DYNC2I2: variants seen among roughly 807,000 people sequenced by gnomAD.
DYNC2I2 encodes cytoplasmic dynein 2 intermediate chain 2.
Under a neutral mutation model 52.0 loss-of-function variants are expected in DYNC2I2, and 39 were observed. The ratio of observed to expected loss-of-function variants is 0.75; its 90% CI spans 0.58 to 0.98. The LOEUF (loss-of-function observed/expected upper bound fraction) is 0.98, where lower values mean the gene tolerates loss of function less well. DYNC2I2 is among the 50% of genes least tolerant of loss of function. The pLI is 0.00. For missense variants in DYNC2I2, 743 were observed against 728.4 expected (o/e 1.02, Z -0.23); for synonymous variants, 359 against 321.1 (o/e 1.12, Z -1.26).
At chr9:128,667,611 C>G in the DYNC2I2 span, among the ~76,000 whole-genome samples, 2 of 151,848 alleles carry the variant, frequency 1.3e-5, no homozygotes, top group Admixed American at 6.6e-5. Flanking sequence ...CGCTCTGACA[C>G]CAGGCTGGAG....
rs78387565 is a variant in DYNC2I2 at position 128,636,261 on chromosome 9, G to A, written c.703+20C>T. 5.4e-3 allele frequency: 8,407 copies of A among 1,556,178 alleles called. 396 individuals carry two copies. In the African/African-American group the frequency reaches 0.1, roughly 19 times the overall value. ...GCTGAGTCCTGAGAGGAGAGGAGGC[G>A]GACACAGCAGGCAGCTCACCTGCGA... On this transcript the variant is annotated intron_variant, in intron 4 of 8. Coordinates refer to ENST00000372715, the MANE Select transcript of DYNC2I2 (RefSeq NM_052844.4).
intron 4 of DYNC2I2, 124 bp downstream of exon 4, chr9:128,636,155 TGA>T (rs1243153917): frequency 2.8e-6 from 4 of 1,405,012 alleles, no homozygotes; most frequent in East Asian, 2.5e-5. Context: ...GGCTCCAGAC[TGA>T]GAGGGTCAGG....
chr9:128,667,694 C>T, the DYNC2I2 span, among the ~76,000 whole-genome samples: 992 of 151,738 alleles, frequency 6.5e-3, 18 homozygotes, highest in Middle Eastern at 0.089. Flanking sequence ...CTCAGCTTCA[C>T]GAGTTGCTGG....
chr9:128,633,866 G>A lies in DYNC2I2; in HGVS notation c.1489C>T (p.Leu497Phe). The change falls in exon 9 of 9, where the codon CTC becomes TTC. Residue 497 changes from leucine (L) to phenylalanine (F), a missense_variant. Physicochemically the swap from Leu to Phe is conservative, Grantham distance 22. Coordinates refer to ENST00000372715, the MANE Select transcript of DYNC2I2 (RefSeq NM_052844.4). ...CCCTGGGCATCGCCCGCAGCCAAGA[G>A]CTGAGTCTGCTGGCTGTTGAACTCC... ...CLEFNSQQTQ[L>F]LAAGDAQGTV... is the part of the protein sequence containing the mutation. 4 of 1,613,580 alleles carry A rather than the reference G, an allele frequency of 2.5e-6. No homozygotes were observed. Among genetic ancestry groups the A allele is most frequent in the Non-Finnish European group, 3.4e-6 (4 of 1,180,054 alleles).
intron 2 of DYNC2I2, among the ~76,000 whole-genome samples, chr9:128,637,357 C>T (rs1199221110): frequency 6.6e-6 from 1 of 152,248 alleles, no homozygotes; most frequent in Non-Finnish European, 1.5e-5. Flanking sequence ...AAGTGCCCAA[C>T]GCGGCCAAGT....
In DYNC2I2 at chr9:128,636,984, T is replaced by A. The variant is rs771698294; in HGVS notation, c.479A>T (p.Gln160Leu). ...GGAGATGCTGGTCACATGCAGACCC[T>A]GCGCTTGGGCTGGCGGGTAGCCCAG... ...YTLGYPPAQA[Q>L]GLHVTSISWN... The change falls in exon 3 of 9, where the codon CAG (glutamine) becomes CTG (leucine). Residue 160 changes from glutamine to leucine, a missense_variant. Physicochemically the swap from Gln to Leu is moderately radical, Grantham distance 113. Coordinates refer to ENST00000372715, the MANE Select transcript of DYNC2I2 (RefSeq NM_052844.4). The A allele has an allele frequency of 6.2e-7, 1 of 1,613,466 alleles. No homozygotes were observed. Among genetic ancestry groups the A allele is most frequent in the East Asian group, 2.2e-5 (1 of 44,876 alleles).
At chr9:128,662,210 G>A in the DYNC2I2 span, among the ~76,000 whole-genome samples, 1 of 151,566 alleles carries the variant, frequency 6.6e-6, no homozygotes, top group African/African-American at 2.4e-5. Flanking sequence ...TCCAGCCTGG[G>A]CAACAGCGCG....
chr9:128,669,282 G>A, the DYNC2I2 span, among the ~76,000 whole-genome samples: 7 of 152,162 alleles, frequency 4.6e-5, no homozygotes, highest in South Asian at 6.2e-4. Context: ...GGAGAATGGC[G>A]TGAACCTGGG....
At chr9:128,664,818 C>T in the DYNC2I2 span, among the ~76,000 whole-genome samples, 1 of 151,442 alleles carries the variant, frequency 6.6e-6, no homozygotes, top group Non-Finnish European at 1.5e-5. Context: ...ACATGCAGCA[C>T]CAATTCTGTT....
At chr9:128,637,123 T>C in intron 2 of DYNC2I2, 96 bp from the exon 3 acceptor site, 1 of 784,754 alleles carries the variant, frequency 1.3e-6, no homozygotes, top group Non-Finnish European at 2.1e-6. Flanking sequence ...CCCTTAGCCC[T>C]AGAGGCCCTC....
At chr9:128,636,133 G>T (rs1160958195) in intron 4 of DYNC2I2, 148 bp downstream of exon 4, 2 of 1,250,302 alleles carry the variant, frequency 1.6e-6, no homozygotes, top group Non-Finnish European at 2.3e-6. Context: ...GCTCACTGCA[G>T]ACCTTCACCT....
intron 2 of DYNC2I2, among the ~76,000 whole-genome samples, chr9:128,638,557 T>C (rs1589430774): frequency 1.3e-5 from 2 of 151,220 alleles, no homozygotes; most frequent in East Asian, 3.9e-4. Context: ...AAAAAGAAAC[T>C]ATCCACTGGA....
At chr9:128,671,009 G>A in the DYNC2I2 span, among the ~76,000 whole-genome samples, 1 of 148,472 alleles carries the variant, frequency 6.7e-6, no homozygotes, top group Admixed American at 6.9e-5. Flanking sequence ...AGAAGTTGCA[G>A]TGAGCCCAGA....
chr9:128,665,210 G>A, the DYNC2I2 span, among the ~76,000 whole-genome samples: 5 of 151,586 alleles, frequency 3.3e-5, no homozygotes, highest in African/African-American at 7.3e-5. Context: ...CCGCCACCAC[G>A]ACCAGCTAAT....
Position 128,656,721 on chromosome 9 carries a change from T to C in DYNC2I2, c.6A>G (p.Ala2=). Residue 2 remains alanine (A), a synonymous_variant, in exon 1 of 9, where the codon GCA becomes GCG. Transcript: ENST00000372715. ...TGAGTGGCCCCGGCTGCGCGCGGGT[T>C]GCCATGGAGACGGTTCCGCCCTCTC... is the stretch of plus-strand genomic sequence containing the variant. M[A]TRAQPGPLSQ... The C allele has an allele frequency of 7.1e-7, 1 of 1,417,376 alleles. No individual in the cohort carries two copies. Among genetic ancestry groups the C allele is most frequent in the Non-Finnish European group, 9.1e-7 (1 of 1,092,914 alleles). The allele number at this position is 1,417,376 out of a possible 1,614,324, so 87.8% of individuals were successfully genotyped here. A position where few individuals can be genotyped will look rare whatever the true frequency, so the allele number is the denominator to read the frequency against.
At chr9:128,653,699 G>A (rs1236950609) in intron 1 of DYNC2I2, among the ~76,000 whole-genome samples, 2 of 143,594 alleles carry the variant, frequency 1.4e-5, no homozygotes, top group African/African-American at 2.8e-5. Flanking sequence ...CTAGGCCACA[G>A]AGCGAGACTC....
In DYNC2I2 at chr9:128,656,625, C is replaced by G; in HGVS notation, c.102G>C (p.Arg34=). The change falls in exon 1 of 9, where the codon CGG becomes CGC. Residue 34 remains arginine, a synonymous_variant. Transcript: ENST00000372715. ...GGGTCTCGTCCTGCAGCGGCCCTGG[C>G]CGCCCCGGCCCCGGGCCGCTCGCAA... The part of the protein sequence containing the change: ...VGVASGPGPG[R]PGPLQDETLG... 1.3e-6 allele frequency: 2 copies of G among 1,498,134 alleles called. No homozygotes were observed. The highest frequency in any genetic ancestry group is 1.3e-5 in the South Asian group (1 of 79,930). 92.8% of individuals were successfully genotyped at this position (1,498,134 alleles called of 1,614,324 possible). A position where few individuals can be genotyped will look rare whatever the true frequency, so the allele number is the denominator to read the frequency against.
At chr9:128,660,301 A>G (rs574475978), upstream of DYNC2I2, among the ~76,000 whole-genome samples, 671 of 151,050 alleles carry the variant, frequency 4.4e-3, 2 homozygotes, top group African/African-American at 0.015. Flanking sequence ...TAGTGGAGAC[A>G]AGGTTTCACC....
the DYNC2I2 span, among the ~76,000 whole-genome samples, chr9:128,670,937 C>T: frequency 4.7e-5 from 7 of 150,534 alleles, no homozygotes; most frequent in Non-Finnish European, 7.4e-5. Context: ...CGTGGTGGCA[C>T]GTGCCTGTAA....
Sources: allele counts gnomAD v4.1 joint callset (sites outside exome capture counted in the v4.1 genomes callset), GRCh38; gene constraint gnomAD v4.1.1; transcripts MANE v1.5; gene names NCBI Gene and HGNC (gene_info 2026-07-23, HGNC 2026-07-21).